The following LRP8 variants were observed in gnomAD, a reference collection of about 807,000 sequenced individuals.
LRP8 encodes the protein LDL receptor related protein 8.
In LRP8, 46 loss-of-function variants were observed where a neutral mutation model predicts 111.6. The ratio of observed to expected loss-of-function variants is 0.41; its 90% confidence interval spans 0.33 to 0.53. LRP8 has a LOEUF of 0.53. Ranked by LOEUF, LRP8 falls within the 20% of genes least tolerant of loss-of-function variation. The pLI is 0.20. For synonymous variants in LRP8, 464 were observed against 511.2 expected (o/e 0.91, Z 1.24); for missense variants, 959 against 1,297.4 (o/e 0.74, Z 4.01).
At chr1:53,289,360 G>T (rs1200863771) in intron 3 of LRP8, 1 of 549,594 alleles carries the variant, frequency 1.8e-6, no homozygotes, top group Non-Finnish European at 2.9e-6. Context: ...ACAGAAACAG[G>T]GTCCAACCTA....
rs368667312 is a variant in LRP8 at position 53,280,760 on chromosome 1, A to G, written c.368-45T>C. On this transcript the variant is annotated intron_variant, in intron 3 of 18. Coordinates refer to ENST00000306052, the MANE Select transcript of LRP8 (RefSeq NM_004631.5). ...TGCATAGCTTAGCCAAGGGGGACACAGGGCATGGTGCCAACCAGTCCTACC... is the reference window on the plus strand; with the variant it reads ...TGCATAGCTTAGCCAAGGGGGACACGGGGCATGGTGCCAACCAGTCCTACC... The G allele has an allele frequency of 5.1e-5, 81 of 1,602,322 alleles. No homozygotes were observed. In the African/African-American group the frequency reaches 1.0e-3, roughly 20 times the overall value.
rs1438928160 is a variant in LRP8, at chr1:53,303,886, C to T, written c.245-14197G>A. On this transcript the variant is annotated intron_variant, in intron 2 of 18. Transcript: ENST00000306052. This position sits in a 1 kb window ranked among gnomAD's most constrained non-coding sequence, Gnocchi z 4.3. ...GCTGAACACGTTCCTTCCTCTTGAA[C>T]GGGGAGGGAAATAAGCTCTCAACAG... Among the ~76,000 whole-genome samples, 1 of 152,130 alleles carries T rather than the reference C, an allele frequency of 6.6e-6. No individual in the cohort carries two copies. Among genetic ancestry groups the T allele is most frequent in the African/African-American group, 2.4e-5 (1 of 41,410 alleles).
In LRP8 at chr1:53,294,003, A is replaced by C. The variant is rs1249095022; in HGVS notation, c.245-4314T>G. ...CAATAGTCCCTCGTGAAGAGACCAT[A>C]TCAGCCCTGCCATGAGATGAGGGCT... On this transcript the variant is annotated intron_variant, in intron 2 of 18. Transcript: ENST00000306052. The surrounding 1 kb of genome is among the most constrained non-coding windows in gnomAD (Gnocchi z 4.1). Among the ~76,000 whole-genome samples the C allele has an allele frequency of 6.6e-6, 1 of 152,200 alleles. No individual in the cohort carries two copies. Among genetic ancestry groups the C allele is most frequent in the East Asian group, 1.9e-4 (1 of 5,200 alleles).
At chr1:53,310,762 C>T (rs1170498490) in intron 2 of LRP8, among the ~76,000 whole-genome samples, 1 of 152,132 alleles carries the variant, frequency 6.6e-6, no homozygotes. Flanking sequence ...AGTGAGGCCT[C>T]CATCCCAGGA....
chr1:53,264,533 C>G (rs184802572), intron 9 of LRP8, 137 bp from the exon 10 acceptor site: 4 of 708,402 alleles, frequency 5.6e-6, no homozygotes, highest in Admixed American at 5.0e-5. Context: ...AATTTCCACT[C>G]TACACATTCC....
At chr1:53,260,197 T>G (rs1476546163) in intron 13 of LRP8, among the ~76,000 whole-genome samples, 1 of 152,208 alleles carries the variant, frequency 6.6e-6, no homozygotes, top group Non-Finnish European at 1.5e-5. Flanking sequence ...CCTCAACTGT[T>G]AGAAGAGTAA....
Position 53,249,308 on chromosome 1 carries a change from G to A in LRP8, c.2853+72C>T. Reference sequence around the variant, plus strand: ...CCTTCCCAAACCAGAAAGCCTTCTAGGATTGGCTGCGCCTGCCTTGGTTCA... The same window carrying A: ...CCTTCCCAAACCAGAAAGCCTTCTAAGATTGGCTGCGCCTGCCTTGGTTCA... On this transcript the variant is annotated intron_variant, in intron 18 of 18. Coordinates refer to ENST00000306052, the MANE Select transcript of LRP8 (RefSeq NM_004631.5). The surrounding 1 kb of genome is among the most constrained non-coding windows in gnomAD (Gnocchi z 4.1). 6.6e-7 allele frequency: 1 copy of A among 1,518,566 alleles called. No individual in the cohort carries two copies. Among genetic ancestry groups the A allele is most frequent in the Non-Finnish European group, 8.9e-7 (1 of 1,122,192 alleles). The allele number at this position is 1,518,566 out of a possible 1,614,324, so 94.1% of individuals were successfully genotyped here.
At chr1:53,272,604 C>T in intron 6 of LRP8, 1 of 1,289,932 alleles carries the variant, frequency 7.8e-7, no homozygotes, top group Non-Finnish European at 1.0e-6. Context: ...ACCCCTTTAC[C>T]CCTGGGCCTC....
chr1:53,276,681 A>G lies in LRP8; in HGVS notation c.883+11T>C. 4 of 1,534,030 alleles carry G rather than the reference A, an allele frequency of 2.6e-6. No homozygotes were observed. The highest frequency in any genetic ancestry group is 2.5e-5 in the East Asian group (1 of 39,394). ...CCCTGGGCGGGGCTGGGCGGTATGG[A>G]GGGGGCTTACGGCAGTCGGCCTCGT... On this transcript the variant is annotated intron_variant, in intron 5 of 18. Transcript: ENST00000306052.
At chr1:53,302,329 G>A (rs1651071049) in intron 2 of LRP8, among the ~76,000 whole-genome samples, 1 of 152,136 alleles carries the variant, frequency 6.6e-6, no homozygotes, top group Non-Finnish European at 1.5e-5. Flanking sequence ...CAACAGGGAG[G>A]TGTAAGCGTG....
chr1:53,308,732 C>T (rs941194349), intron 2 of LRP8, among the ~76,000 whole-genome samples: 5 of 152,184 alleles, frequency 3.3e-5, no homozygotes, highest in Non-Finnish European at 5.9e-5. Flanking sequence ...GGGCTGGAGG[C>T]TTGCAGGAGA....
intron 2 of LRP8, among the ~76,000 whole-genome samples, chr1:53,312,164 G>A (rs980776273): frequency 2.6e-5 from 4 of 152,226 alleles, no homozygotes; most frequent in Non-Finnish European, 5.9e-5. Flanking sequence ...TACGAGGTGA[G>A]CAGGGCAGAG....
intron 18 of LRP8, among the ~76,000 whole-genome samples, chr1:53,247,808 T>C (rs998634475): frequency 6.6e-5 from 10 of 152,256 alleles, no homozygotes; most frequent in Non-Finnish European, 1.2e-4. Context: ...AATTTATAGA[T>C]GGTGTTTGAA....
intron 2 of LRP8, chr1:53,304,964 A>G (rs1021276784): frequency 6.6e-6 from 1 of 152,282 alleles, no homozygotes; most frequent in African/African-American, 2.4e-5. Context: ...CTGAGCCAGC[A>G]TGGCTCCCCC....
chr1:53,256,200 C>T (rs1334005950), intron 15 of LRP8, among the ~76,000 whole-genome samples: 1 of 152,232 alleles, frequency 6.6e-6, no homozygotes, highest in Non-Finnish European at 1.5e-5. Context: ...ATGACTGTCC[C>T]GGCAATGGCC....
intron 2 of LRP8, among the ~76,000 whole-genome samples, chr1:53,299,624 C>T (rs538299560): frequency 1.3e-3 from 198 of 152,374 alleles, no homozygotes; most frequent in African/African-American, 4.6e-3. Context: ...CCCACCTGTG[C>T]CCACCTGTGT....
Position 53,250,884 on chromosome 1 carries a change from C to A in LRP8, c.2504-22G>T. 1 of 1,612,414 alleles carries A rather than the reference C, an allele frequency of 6.2e-7. No homozygotes were observed. The highest frequency in any genetic ancestry group is 8.5e-7 in the Non-Finnish European group (1 of 1,178,600). On this transcript the variant is annotated intron_variant, in intron 16 of 18. Coordinates refer to ENST00000306052, the MANE Select transcript of LRP8 (RefSeq NM_004631.5). The surrounding 1 kb of genome is among the most constrained non-coding windows in gnomAD (Gnocchi z 4.6). Reference sequence around the variant, plus strand: ...ACCACTGGAGGAAGGACACAGGACACTGGACCTCCAGCAGGCTCCAACCCA... The same window carrying A: ...ACCACTGGAGGAAGGACACAGGACAATGGACCTCCAGCAGGCTCCAACCCA...
chr1:53,287,794 G>A (rs1647828528), intron 3 of LRP8, among the ~76,000 whole-genome samples: 1 of 152,116 alleles, frequency 6.6e-6, no homozygotes, highest in Non-Finnish European at 1.5e-5. Context: ...AGCAGGTGCT[G>A]GGATGGGCAA....
In LRP8 at chr1:53,271,062, C is replaced by A; in HGVS notation, c.1218G>T (p.Glu406Asp). The change falls in exon 8 of 19, where the codon GAG becomes GAT. Residue 406 changes from glutamate (E) to aspartate (D), a missense_variant. Around this residue, in one of 3 missense-constraint regions of LRP8, gnomAD observed 819 missense variants for 1,097.6 expected, o/e 0.75. Coordinates refer to ENST00000306052, the MANE Select transcript of LRP8 (RefSeq NM_004631.5). Reference protein sequence around the residue: ...YFKCECYPGYEMDLLTKNCKA... With the variant: ...YFKCECYPGYDMDLLTKNCKA... ...TGCAGTTCTTGGTCAGTAGGTCCAT[C>A]TCGTAGCCAGGGTAGCACTCACACT... 1 of 1,614,058 alleles carries A rather than the reference C, an allele frequency of 6.2e-7. No individual in the cohort carries two copies. Among genetic ancestry groups the A allele is most frequent in the Non-Finnish European group, 8.5e-7 (1 of 1,180,028 alleles).
Sources: allele counts gnomAD v4.1 joint callset (sites outside exome capture counted in the v4.1 genomes callset), GRCh38; gene constraint gnomAD v4.1.1; regional missense constraint gnomAD v4.1.1; non-coding constraint Gnocchi (gnomAD v3.1); transcripts MANE v1.5; gene names NCBI Gene and HGNC (gene_info 2026-07-23, HGNC 2026-07-21).